The following ADCY8 variants were observed in gnomAD, a reference collection of about 807,000 sequenced individuals.
ADCY8 encodes the protein adenylate cyclase type 8.
In ADCY8, 51 loss-of-function variants were observed where a neutral mutation model predicts 119.7. The ratio of observed to expected loss-of-function variants is 0.43; its 90% CI spans 0.34 to 0.54. The LOEUF (loss-of-function observed/expected upper bound fraction) is 0.54, where lower values mean the gene tolerates loss of function less well. Among genes scored for constraint, ADCY8 ranks in the 20% least tolerant of loss-of-function variants. The pLI is 0.03. For synonymous variants in ADCY8, 665 were observed against 651.0 expected, an observed-to-expected ratio of 1.02 and a Z score of -0.33; for missense variants, 1,383 against 1,598.8, an observed-to-expected ratio of 0.87 and a Z score of 2.30.
chr8:131,023,262 C>T (rs1823729398), intron 1 of ADCY8, among the ~76,000 whole-genome samples: 1 of 152,186 alleles, frequency 6.6e-6, no homozygotes, highest in Non-Finnish European at 1.5e-5. Context: ...ACCCTTCTGC[C>T]CTGATGCCCA....
intron 13 of ADCY8, among the ~76,000 whole-genome samples, chr8:130,820,239 G>A (rs1228322535): frequency 1.3e-5 from 2 of 152,028 alleles, no homozygotes; most frequent in Non-Finnish European, 2.9e-5. Context: ...TTAATTATGT[G>A]TCTCTGTGTT....
intron 2 of ADCY8, among the ~76,000 whole-genome samples, chr8:130,956,652 G>A (rs546176484): frequency 1.3e-5 from 2 of 152,282 alleles, no homozygotes; most frequent in South Asian, 4.1e-4. Flanking sequence ...GTATGGTTTG[G>A]CAAATCTCAT....
intron 1 of ADCY8, among the ~76,000 whole-genome samples, chr8:131,000,360 G>A (rs777657380): frequency 3.3e-5 from 5 of 152,164 alleles, no homozygotes; most frequent in Non-Finnish European, 7.3e-5. Context: ...TGTGCTGGGT[G>A]TATGGGAAAA....
At chr8:130,913,310 A>G (rs1015008674) in intron 5 of ADCY8, among the ~76,000 whole-genome samples, 2 of 151,908 alleles carry the variant, frequency 1.3e-5, no homozygotes, top group African/African-American at 2.4e-5. Context: ...TTTTCTACCC[A>G]TTAACCATCC....
intron 9 of ADCY8, among the ~76,000 whole-genome samples, chr8:130,867,243 G>A (rs549526279): frequency 2.0e-5 from 3 of 152,288 alleles, no homozygotes; most frequent in Non-Finnish European, 4.4e-5. Flanking sequence ...TAAGAACCCA[G>A]ACTCTAGAGC....
At chr8:130,859,469 A>T (rs1468224489) in intron 9 of ADCY8, among the ~76,000 whole-genome samples, 1 of 152,226 alleles carries the variant, frequency 6.6e-6, no homozygotes, top group Admixed American at 6.5e-5. Flanking sequence ...ACTACAGCAC[A>T]GTGCTTAAGT....
chr8:130,926,677 T>C (rs1234581452), intron 5 of ADCY8, among the ~76,000 whole-genome samples: 3 of 152,124 alleles, frequency 2.0e-5, no homozygotes, highest in Non-Finnish European at 4.4e-5. Flanking sequence ...ATAATAGGTC[T>C]TTTGAATTTA....
At chr8:130,996,947 G>A (rs1430145471) in intron 1 of ADCY8, among the ~76,000 whole-genome samples, 1 of 152,046 alleles carries the variant, frequency 6.6e-6, no homozygotes, top group Non-Finnish European at 1.5e-5. Flanking sequence ...TCTGTCTTTA[G>A]GAGATCATCA....
At chr8:130,963,179 C>G (rs759551426) in intron 2 of ADCY8, among the ~76,000 whole-genome samples, 33 of 146,442 alleles carry the variant, frequency 2.3e-4, no homozygotes, top group Non-Finnish European at 4.2e-4. Context: ...CTTACTAAGT[C>G]CAGGAGTAAG....
chr8:130,780,960 C>G (rs920861581), intron 17 of ADCY8, 83 bp from the exon 18 acceptor site: 1 of 1,546,260 alleles, frequency 6.5e-7, no homozygotes, highest in Non-Finnish European at 8.8e-7. Flanking sequence ...GGACAGTGAT[C>G]ACTATGTGTG....
chr8:130,783,878 G>C, intron 16 of ADCY8, 73 bp from the exon 17 acceptor site: 1 of 1,243,582 alleles, frequency 8.0e-7, no homozygotes, highest in East Asian at 2.4e-5. Flanking sequence ...TGCAGCAGGG[G>C]CTTTACGTCC....
chr8:130,897,289 C>T (rs1332485800), intron 7 of ADCY8, among the ~76,000 whole-genome samples: 1 of 152,014 alleles, frequency 6.6e-6, no homozygotes, highest in Non-Finnish European at 1.5e-5. Flanking sequence ...ATACAGAGAA[C>T]AAGATCTAAG....
chr8:130,929,026 G>T (rs908740730), intron 5 of ADCY8, among the ~76,000 whole-genome samples: 9 of 151,944 alleles, frequency 5.9e-5, no homozygotes, highest in African/African-American at 1.9e-4. Flanking sequence ...TAGATTGCAT[G>T]CATCAAATGA....
chr8:130,920,420 T>C (rs1158719215), intron 5 of ADCY8, among the ~76,000 whole-genome samples: 1 of 152,164 alleles, frequency 6.6e-6, no homozygotes, highest in Non-Finnish European at 1.5e-5. Flanking sequence ...TCCTGGTATT[T>C]CAAAGGGAAA....
At chr8:130,893,849 TTTTGGG>T (rs1403558351) in intron 7 of ADCY8, among the ~76,000 whole-genome samples, 1,888 of 151,230 alleles carry the variant, frequency 0.012, 41 homozygotes, top group African/African-American at 0.044. Flanking sequence ...TGTTTGTGTG[TTTTGGG>T]GTGTGCATGT....
intron 1 of ADCY8, among the ~76,000 whole-genome samples, chr8:131,031,564 G>C (rs1490902749): frequency 2.6e-5 from 4 of 152,266 alleles, no homozygotes; most frequent in African/African-American, 9.6e-5. Context: ...TTACAGTGGG[G>C]CCTAATGAGA....
At chr8:130,993,136 CAAAAT>C (rs1822654139) in intron 1 of ADCY8, among the ~76,000 whole-genome samples, 1 of 151,836 alleles carries the variant, frequency 6.6e-6, no homozygotes, top group African/African-American at 2.4e-5. Flanking sequence ...GAAGTGAAAA[CAAAAT>C]AAAGCTGGCT....
chr8:130,912,270 C>T (rs1339550498), intron 5 of ADCY8, among the ~76,000 whole-genome samples: 3 of 152,196 alleles, frequency 2.0e-5, no homozygotes, highest in Non-Finnish European at 4.4e-5. Context: ...TGAACAACTA[C>T]TCTGTATGTT....
At chr8:130,830,007 C>A (rs1158378517) in intron 12 of ADCY8, among the ~76,000 whole-genome samples, 1 of 152,128 alleles carries the variant, frequency 6.6e-6, no homozygotes, top group Non-Finnish European at 1.5e-5. Flanking sequence ...CACACAATGC[C>A]CTTTTCAGCA....
Sources: gnomAD v4.1 joint callset for allele counts (sites outside exome capture counted in the v4.1 genomes callset) on GRCh38, gnomAD v4.1.1 for gene constraint, MANE v1.5 for transcripts, NCBI Gene and HGNC (gene_info 2026-07-23, HGNC 2026-07-21) for gene names.